EIF2AK2: variants seen among roughly 807,000 people sequenced by gnomAD.
The protein encoded by EIF2AK2 is interferon-induced, double-stranded RNA-activated protein kinase.
Under a neutral mutation model 70.5 loss-of-function variants are expected in EIF2AK2, and 40 were observed. That is an observed-to-expected ratio of 0.57 (90% confidence interval 0.44 to 0.74). EIF2AK2 has a LOEUF of 0.74. Ranked by LOEUF, EIF2AK2 falls within the 30% of genes least tolerant of loss-of-function variation. The probability of loss-of-function intolerance (pLI) is 0.00; values close to 1 mark genes in which losing one functional copy is unlikely to be tolerated. For synonymous variants in EIF2AK2, 198 were observed against 220.9 expected (o/e 0.90, Z 0.92); for missense variants, 555 against 644.3 (o/e 0.86, Z 1.50).
chr2:37,148,466 G>A (rs1675631648), intron 2 of EIF2AK2: 1 of 479,802 alleles, frequency 2.1e-6, no homozygotes, highest in Non-Finnish European at 3.9e-6. Flanking sequence ...CAAGCTAAGG[G>A]TGATCAGCCC....
intron 1 of EIF2AK2, among the ~76,000 whole-genome samples, chr2:37,156,060 G>C (rs1675911980): frequency 6.6e-6 from 1 of 152,132 alleles, no homozygotes; most frequent in Admixed American, 6.5e-5. Flanking sequence ...TGTATAGGCA[G>C]GTTGTTTGAG....
Position 37,139,627 on chromosome 2 carries a change from G to T in EIF2AK2, c.516+4C>A, listed in dbSNP as rs144620231. ...TAAAAATTTAATCCAAAGGCAATAC[G>T]TACCACTGAGGTTTCTTCTGATAAT... On this transcript the variant is annotated splice_donor_region_variant and intron_variant, in intron 6 of 16. Coordinates refer to ENST00000233057, the MANE Select transcript of EIF2AK2 (RefSeq NM_001135651.3). 1.2e-5 allele frequency: 20 copies of T among 1,609,206 alleles called. No individual in the cohort carries two copies. Among genetic ancestry groups the T allele is most frequent in the Non-Finnish European group, 1.7e-5 (20 of 1,178,916 alleles).
chr2:37,129,676 G>A (rs1674873462), intron 10 of EIF2AK2, among the ~76,000 whole-genome samples: 3 of 152,124 alleles, frequency 2.0e-5, no homozygotes, highest in African/African-American at 7.2e-5. Flanking sequence ...ATGGAATGAA[G>A]GGCATACAAG....
chr2:37,141,512 A>C, intron 5 of EIF2AK2, 41 bp downstream of exon 5: 1 of 1,598,702 alleles, frequency 6.3e-7, no homozygotes, highest in Non-Finnish European at 8.5e-7. Flanking sequence ...TTTATTGCTT[A>C]AATACAATGA....
At chr2:37,125,784 G>A (rs1192556312) in intron 11 of EIF2AK2, among the ~76,000 whole-genome samples, 1 of 152,224 alleles carries the variant, frequency 6.6e-6, no homozygotes, top group Non-Finnish European at 1.5e-5. Flanking sequence ...ATAAATTGCT[G>A]TTTTTAAGCA....
At chr2:37,110,936 A>C (rs2148665080) in intron 14 of EIF2AK2, among the ~76,000 whole-genome samples, 1 of 152,370 alleles carries the variant, frequency 6.6e-6, no homozygotes, top group East Asian at 1.9e-4. Flanking sequence ...AGGACAAACA[A>C]AATGTGGTGT....
At position 37,139,822 on chromosome 2, in the gene EIF2AK2, C is replaced by CA. The variant is rs556893554; in HGVS notation, c.390-66dup. 211 of 1,484,006 alleles carry CA rather than the reference C, an allele frequency of 1.4e-4. 1 individual carries two copies. The East Asian group carries it at 3.8e-3, about 27-fold the overall frequency. 91.9% of individuals were successfully genotyped at this position (1,484,006 alleles called of 1,614,324 possible). On this transcript the variant is annotated intron_variant, in intron 5 of 16. Coordinates refer to ENST00000233057, the MANE Select transcript of EIF2AK2 (RefSeq NM_001135651.3). ...AATATAGCAAATCCAACTTAGGATT[C>CA]AAAAAAAATAACATATTAACAGAGA...
intron 11 of EIF2AK2, among the ~76,000 whole-genome samples, chr2:37,124,002 C>T (rs187490255): frequency 5.1e-4 from 78 of 151,762 alleles, no homozygotes; most frequent in African/African-American, 1.8e-3. Context: ...CAGGGTCTCA[C>T]TCTGTCACCC....
intron 16 of EIF2AK2, 28 bp downstream of exon 16, chr2:37,107,446 A>G (rs1449918405): frequency 6.2e-7 from 1 of 1,611,608 alleles, no homozygotes; most frequent in Admixed American, 1.7e-5. Flanking sequence ...TGAAATAAAT[A>G]AAATTCTGAT....
In EIF2AK2 at chr2:37,122,563, C is replaced by A; in HGVS notation, c.1010G>T (p.Ser337Ile). ...ATCACTGCTCTCAAGAGAATCATCA[C>A]TGGTCTCAGGATCATAATCAAATCC... is the stretch of plus-strand genomic sequence containing the variant. ...WDGFDYDPET[S>I]DDSLESSDYD... Residue 337 changes from serine (S) to isoleucine (I), a missense_variant, in exon 12 of 17, where the codon AGT (serine) becomes ATT (isoleucine). Physicochemically the swap from Ser to Ile is moderately radical, Grantham distance 142 (BLOSUM62 -2). Transcript: ENST00000233057. The A allele has an allele frequency of 6.2e-7, 1 of 1,614,174 alleles. No homozygotes were observed. Among genetic ancestry groups the A allele is most frequent in the Non-Finnish European group, 8.5e-7 (1 of 1,180,024 alleles).
intron 1 of EIF2AK2, among the ~76,000 whole-genome samples, chr2:37,154,613 T>C (rs4670662): frequency 0.38 from 57,797 of 151,774 alleles, 11,668 homozygotes; most frequent in East Asian, 0.77. Flanking sequence ...CAGGCTGGAG[T>C]GTGATGGTGG....
intron 8 of EIF2AK2, among the ~76,000 whole-genome samples, chr2:37,137,411 C>T (rs925366051): frequency 5.9e-5 from 9 of 152,170 alleles, no homozygotes; most frequent in African/African-American, 2.2e-4. Context: ...TCACCAAAAG[C>T]ATGGATTTTG....
At chr2:37,148,703 C>A in intron 2 of EIF2AK2, 154 bp downstream of exon 2, 1 of 823,098 alleles carries the variant, frequency 1.2e-6, no homozygotes, top group Non-Finnish European at 2.1e-6. Context: ...TTGCTTTCAT[C>A]ACATAAAAAT....
intron 1 of EIF2AK2, among the ~76,000 whole-genome samples, chr2:37,151,226 G>T (rs1437116658): frequency 6.6e-6 from 1 of 151,992 alleles, no homozygotes; most frequent in Admixed American, 6.6e-5. Flanking sequence ...GATATATAAA[G>T]AATTCTTACA....
At chr2:37,109,496 A>G in intron 14 of EIF2AK2, 3 of 517,300 alleles carry the variant, frequency 5.8e-6, no homozygotes, top group Non-Finnish European at 1.0e-5. Flanking sequence ...ATTAACGATC[A>G]ACATGGGAAT....
At chr2:37,138,655 A>G (rs2307483) in intron 6 of EIF2AK2, 70 bp from the exon 7 acceptor site, 109,375 of 1,291,672 alleles carry the variant, frequency 0.085, 5,237 homozygotes, top group African/African-American at 0.18. Context: ...CTCAGTTTCT[A>G]TGTACTATCA....
intron 5 of EIF2AK2, among the ~76,000 whole-genome samples, chr2:37,140,397 G>T (rs1352684799): frequency 6.6e-6 from 1 of 152,100 alleles, no homozygotes; most frequent in Non-Finnish European, 1.5e-5. Context: ...TAAAACAATG[G>T]ACATGGCAAT....
At chr2:37,107,693 A>G (rs186136147) in intron 15 of EIF2AK2, among the ~76,000 whole-genome samples, 166 bp from the exon 16 acceptor site, 3 of 152,282 alleles carry the variant, frequency 2.0e-5, no homozygotes, top group East Asian at 1.9e-4. Flanking sequence ...ACTACCCCCA[A>G]TCTAATAACC....
At chr2:37,145,845 C>G (rs1250083238) in intron 4 of EIF2AK2, among the ~76,000 whole-genome samples, 1 of 133,604 alleles carries the variant, frequency 7.5e-6, no homozygotes, top group Non-Finnish European at 1.5e-5. Flanking sequence ...CTCCTTCTCC[C>G]GGGTTCAAGC....
Sources: gnomAD v4.1 joint callset for allele counts (sites outside exome capture counted in the v4.1 genomes callset) on GRCh38, gnomAD v4.1.1 for gene constraint, MANE v1.5 for transcripts, NCBI Gene and HGNC (gene_info 2026-07-23, HGNC 2026-07-21) for gene names.